Variants in PXDNL observed in about 807,000 individuals in gnomAD.
PXDNL encodes the protein probable oxidoreductase PXDNL.
In PXDNL, 145 loss-of-function variants were observed where a neutral mutation model predicts 150.8. The ratio of observed to expected loss-of-function variants is 0.96; its 90% CI spans 0.84 to 1.10. PXDNL has a LOEUF of 1.10. Ranked by LOEUF, PXDNL falls within the 50% of genes least tolerant of loss-of-function variation. The pLI is 0.00. For synonymous variants in PXDNL, 757 were observed against 725.7 expected (o/e 1.04, Z -0.69); for missense variants, 2,087 against 1,873.9 (o/e 1.11, Z -2.10).
intron 2 of PXDNL, among the ~76,000 whole-genome samples, chr8:51,623,629 C>T (rs1300442953): frequency 2.0e-5 from 3 of 152,328 alleles, no homozygotes; most frequent in South Asian, 4.1e-4. Context: ...CCAGCAGACC[C>T]GTGGGCACGC....
chr8:51,556,970 GA>G, intron 3 of PXDNL, 59 bp from the exon 4 acceptor site: 1 of 1,002,480 alleles, frequency 1.0e-6, no homozygotes, highest in South Asian at 1.3e-5. Flanking sequence ...ACATGTCTTA[GA>G]TACAAACTTT....
intron 4 of PXDNL, among the ~76,000 whole-genome samples, chr8:51,540,335 T>G (rs1812188190): frequency 6.6e-6 from 1 of 152,218 alleles, no homozygotes; most frequent in Non-Finnish European, 1.5e-5. Flanking sequence ...ATTTAGGTCT[T>G]TATTAATTCC....
intron 2 of PXDNL, among the ~76,000 whole-genome samples, chr8:51,636,221 A>G (rs973348190): frequency 2.0e-5 from 3 of 152,172 alleles, no homozygotes; most frequent in Non-Finnish European, 2.9e-5. Context: ...AATAAAGGAC[A>G]TTTATTAAAA....
At chr8:51,807,649 C>G (rs761697410) in intron 1 of PXDNL, among the ~76,000 whole-genome samples, 4 of 152,168 alleles carry the variant, frequency 2.6e-5, no homozygotes, top group Non-Finnish European at 4.4e-5. Context: ...TGAGAATCCA[C>G]CATTAAGCTT....
chr8:51,598,158 G>A (rs948307634), intron 2 of PXDNL, among the ~76,000 whole-genome samples: 1 of 152,052 alleles, frequency 6.6e-6, no homozygotes, highest in African/African-American at 2.4e-5. Context: ...GAATTTTAAG[G>A]CATAAAATCA....
intron 3 of PXDNL, among the ~76,000 whole-genome samples, chr8:51,586,256 G>C (rs1237363546): frequency 6.6e-6 from 1 of 152,140 alleles, no homozygotes; most frequent in African/African-American, 2.4e-5. Context: ...TAGCTGGCTA[G>C]AGAAAGAGAA....
At chr8:51,594,002 T>TTGTGTTTA (rs1195847257) in intron 2 of PXDNL, among the ~76,000 whole-genome samples, 8 of 152,348 alleles carry the variant, frequency 5.3e-5, no homozygotes, top group African/African-American at 1.9e-4. Flanking sequence ...AACCTTGTCC[T>TTGTGTTTA]GGGAGAATTT....
chr8:51,684,397 T>A (rs773353902), intron 1 of PXDNL, among the ~76,000 whole-genome samples: 10 of 152,168 alleles, frequency 6.6e-5, no homozygotes, highest in Non-Finnish European at 1.5e-4. Context: ...GATTCCCATA[T>A]CCTCAACTTT....
chr8:51,321,306 TAA>T (rs1805306727), intron 21 of PXDNL, among the ~76,000 whole-genome samples: 1 of 152,234 alleles, frequency 6.6e-6, no homozygotes, highest in Admixed American at 6.5e-5. Context: ...AAATATTTAT[TAA>T]GTTTCAAAGA....
At chr8:51,463,314 T>A (rs926098621) in intron 8 of PXDNL, among the ~76,000 whole-genome samples, 5 of 152,182 alleles carry the variant, frequency 3.3e-5, no homozygotes, top group Non-Finnish European at 7.3e-5. Flanking sequence ...AAATGGTCCA[T>A]TAAAAAGGCA....
intron 4 of PXDNL, among the ~76,000 whole-genome samples, chr8:51,550,612 G>A (rs1183862485): frequency 6.6e-6 from 1 of 152,134 alleles, no homozygotes; most frequent in Non-Finnish European, 1.5e-5. Context: ...TGTAGGAAAA[G>A]CATTTGACAA....
At chr8:51,387,307 T>A (rs933329435) in intron 17 of PXDNL, among the ~76,000 whole-genome samples, 1 of 152,186 alleles carries the variant, frequency 6.6e-6, no homozygotes, top group Non-Finnish European at 1.5e-5. Flanking sequence ...TTAAAAGCAA[T>A]GTTAACTATG....
chr8:51,729,613 C>T (rs982814466), intron 1 of PXDNL, among the ~76,000 whole-genome samples: 5 of 152,202 alleles, frequency 3.3e-5, no homozygotes, highest in African/African-American at 4.8e-5. Context: ...TAAGCATACT[C>T]TTGCCATATA....
chr8:51,486,769 TATATATATATATATA>T (rs1810752325), intron 5 of PXDNL, among the ~76,000 whole-genome samples: 8 of 8,340 alleles, frequency 9.6e-4, no homozygotes, highest in African/African-American at 2.0e-3. Flanking sequence ...TATATATATA[TATATATATATATATA>T]TATATATATA....
chr8:51,537,194 G>A (rs1054865398), intron 4 of PXDNL, among the ~76,000 whole-genome samples: 4 of 152,128 alleles, frequency 2.6e-5, no homozygotes, highest in African/African-American at 4.8e-5. Context: ...AAAAACCACT[G>A]ATGCCAGCAC....
In PXDNL at chr8:51,409,259, G is replaced by A; in HGVS notation, c.2365C>T (p.Arg789Cys). The change falls in exon 17 of 23, where the codon CGC becomes TGC. Residue 789 changes from arginine (R) to cysteine (C), a missense_variant. Coordinates refer to ENST00000356297, the MANE Select transcript of PXDNL (RefSeq NM_144651.5). ...PPRLVATVWA[R>C]AAAVTPDHSY... is the part of the protein sequence containing the mutation. The stretch of plus-strand genomic sequence containing the variant: ...TGGTCGGGGGTGACGGCCGCCGCGC[G>A]CGCCCACACTGTGGCGACCAGCCGG... 6.7e-7 allele frequency: 1 copy of A among 1,481,740 alleles called. No individual in the cohort carries two copies. The highest frequency in any genetic ancestry group is 2.5e-5 in the East Asian group (1 of 39,578). The allele number at this position is 1,481,740 out of a possible 1,614,324, so 91.8% of individuals were successfully genotyped here. A position where few individuals can be genotyped will look rare whatever the true frequency, so the allele number is the denominator to read the frequency against.
chr8:51,438,171 C>T (rs1253068112), intron 12 of PXDNL, among the ~76,000 whole-genome samples: 2 of 152,104 alleles, frequency 1.3e-5, no homozygotes, highest in African/African-American at 2.4e-5. Context: ...ATAGATGACA[C>T]AAATGAATTG....
chr8:51,611,216 C>T (rs1042720863), intron 2 of PXDNL, among the ~76,000 whole-genome samples: 2 of 151,966 alleles, frequency 1.3e-5, no homozygotes, highest in African/African-American at 2.4e-5. Flanking sequence ...TTAATAAAAA[C>T]GTTAAACATG....
At chr8:51,515,266 G>A (rs1022529819) in intron 4 of PXDNL, among the ~76,000 whole-genome samples, 1 of 152,148 alleles carries the variant, frequency 6.6e-6, no homozygotes, top group African/African-American at 2.4e-5. Flanking sequence ...GGAAGAGCAG[G>A]GGGAGATCAT....
Sources: allele counts gnomAD v4.1 joint callset (sites outside exome capture counted in the v4.1 genomes callset), GRCh38; gene constraint gnomAD v4.1.1; transcripts MANE v1.5; gene names NCBI Gene and HGNC (gene_info 2026-07-23, HGNC 2026-07-21).